The following KCNQ3 variants were observed in gnomAD, a reference collection of about 807,000 sequenced individuals.
KCNQ3 encodes potassium voltage-gated channel subfamily Q member 3, also known as potassium voltage-gated channel subfamily KQT member 3.
A neutral mutation model predicts 92.5 loss-of-function variants in KCNQ3; 30 were observed. That is an observed-to-expected ratio of 0.32 (90% CI 0.24 to 0.44). The LOEUF (loss-of-function observed/expected upper bound fraction) is 0.44. KCNQ3 is among the 20% of genes least tolerant of loss of function. The pLI is 1.00. For synonymous variants in KCNQ3, 450 were observed against 468.8 expected, an observed-to-expected ratio of 0.96 and a Z score of 0.52; for missense variants, 913 against 1,140.3, an observed-to-expected ratio of 0.80 and a Z score of 2.87.
At chr8:132,303,677 T>TATACACACACACATATATACACACAC (rs376933089) in intron 1 of KCNQ3, among the ~76,000 whole-genome samples, 1 of 85,990 alleles carries the variant, frequency 1.2e-5, no homozygotes, top group East Asian at 4.6e-4. Flanking sequence ...TATATATATA[T>TATACACACACACATATATACACACAC]ACACACACAC....
intron 1 of KCNQ3, among the ~76,000 whole-genome samples, chr8:132,194,246 G>C (rs1434172423): frequency 6.6e-6 from 1 of 152,206 alleles, no homozygotes; most frequent in African/African-American, 2.4e-5. Context: ...AGCTGCACTT[G>C]TCCTAACCCT....
intron 1 of KCNQ3, among the ~76,000 whole-genome samples, chr8:132,438,828 T>C (rs935511720): frequency 2.0e-5 from 3 of 151,698 alleles, no homozygotes; most frequent in Non-Finnish European, 4.4e-5. Context: ...AGGCTACAAC[T>C]CTCAGGGCTC....
intron 5 of KCNQ3, among the ~76,000 whole-genome samples, chr8:132,174,702 A>G (rs1826488991): frequency 6.6e-6 from 1 of 152,170 alleles, no homozygotes; most frequent in Non-Finnish European, 1.5e-5. Context: ...TATTGTGTAT[A>G]TATGTGTGTA....
In KCNQ3 at chr8:132,344,565, T is replaced by C. The variant is rs114486758; in HGVS notation, c.386+135582A>G. ...ATCTCCACTGTGCAGATGAGGAAAC[T>C]GAGGCCTGGAGGAGTAAAGAAACAT... On this transcript the variant is annotated intron_variant, in intron 1 of 14. Coordinates refer to ENST00000388996, the MANE Select transcript of KCNQ3 (RefSeq NM_004519.4). 5.2e-3 allele frequency among the ~76,000 whole-genome samples: 799 copies of C among 152,332 alleles called. 7 individuals are homozygous for C. Among genetic ancestry groups the C allele is most frequent in the African/African-American group, 0.019 (775 of 41,572 alleles).
chr8:132,395,694 G>T (rs1231892276), intron 1 of KCNQ3, among the ~76,000 whole-genome samples: 1 of 152,198 alleles, frequency 6.6e-6, no homozygotes, highest in Non-Finnish European at 1.5e-5. Context: ...CTTCTACAAT[G>T]ATATGCCTGG....
intron 1 of KCNQ3, among the ~76,000 whole-genome samples, chr8:132,358,657 A>C (rs1356502607): frequency 7.2e-6 from 1 of 139,418 alleles, no homozygotes; most frequent in African/African-American, 2.9e-5. Flanking sequence ...GCTGTTCAAA[A>C]AGAATGGATG....
At chr8:132,425,313 ACT>A (rs1821080038) in intron 1 of KCNQ3, among the ~76,000 whole-genome samples, 1 of 152,154 alleles carries the variant, frequency 6.6e-6, no homozygotes, top group African/African-American at 2.4e-5. Context: ...CCTTACAGAC[ACT>A]CTGTAATGTA....
intron 4 of KCNQ3, among the ~76,000 whole-genome samples, chr8:132,176,509 G>A (rs1236038890): frequency 1.3e-5 from 2 of 152,188 alleles, no homozygotes; most frequent in Non-Finnish European, 2.9e-5. Context: ...TGTCATTCTT[G>A]CTGAGTCATC....
intron 3 of KCNQ3, among the ~76,000 whole-genome samples, chr8:132,181,360 TA>T (rs1408478084): frequency 2.6e-5 from 4 of 152,204 alleles, no homozygotes; most frequent in Admixed American, 2.6e-4. Flanking sequence ...AAATGGGTTT[TA>T]CAAAATTATT....
intron 1 of KCNQ3, among the ~76,000 whole-genome samples, chr8:132,322,873 G>A (rs1817931739): frequency 1.3e-5 from 2 of 152,152 alleles, no homozygotes; most frequent in African/African-American, 4.8e-5. Flanking sequence ...TCTGAGAATA[G>A]AGAGCTCCAA....
At chr8:132,336,190 C>A (rs746094761) in intron 1 of KCNQ3, among the ~76,000 whole-genome samples, 8 of 152,174 alleles carry the variant, frequency 5.3e-5, no homozygotes, top group Admixed American at 1.3e-4. Flanking sequence ...GGGACCTACC[C>A]CAACCAATGC....
intron 1 of KCNQ3, among the ~76,000 whole-genome samples, chr8:132,308,491 T>C (rs1817498368): frequency 6.6e-6 from 1 of 152,138 alleles, no homozygotes; most frequent in South Asian, 2.1e-4. Context: ...CAAGAAGCCA[T>C]ATCAGTGGGA....
At chr8:132,142,197 G>T (rs1825318678) in intron 9 of KCNQ3, among the ~76,000 whole-genome samples, 1 of 151,980 alleles carries the variant, frequency 6.6e-6, no homozygotes, top group Non-Finnish European at 1.5e-5. Flanking sequence ...TCTGAGAAGG[G>T]GTCCATGGGC....
At chr8:132,362,473 A>T (rs544365420) in intron 1 of KCNQ3, among the ~76,000 whole-genome samples, 2 of 152,314 alleles carry the variant, frequency 1.3e-5, no homozygotes, top group Middle Eastern at 3.4e-3. Context: ...AGAGGAACAA[A>T]CAAAAACCAT....
intron 1 of KCNQ3, among the ~76,000 whole-genome samples, chr8:132,325,943 G>T (rs1818034648): frequency 6.6e-6 from 1 of 152,218 alleles, no homozygotes; most frequent in Non-Finnish European, 1.5e-5. Flanking sequence ...AGAAAACTCT[G>T]AAAGAACAAA....
chr8:132,417,834 A>C (rs1345322697), intron 1 of KCNQ3, among the ~76,000 whole-genome samples: 1 of 152,208 alleles, frequency 6.6e-6, no homozygotes, highest in East Asian at 1.9e-4. Flanking sequence ...TAGTTCTGGA[A>C]CCTCTGTGGA....
intron 1 of KCNQ3, among the ~76,000 whole-genome samples, chr8:132,335,815 C>T (rs1432923871): frequency 2.0e-5 from 3 of 152,066 alleles, no homozygotes; most frequent in East Asian, 3.9e-4. Context: ...CTACTTCCTC[C>T]TTGTTCTGTG....
At position 132,419,769 on chromosome 8, in the gene KCNQ3, G is replaced by A. The variant is rs143117007; in HGVS notation, c.386+60378C>T. Among the ~76,000 whole-genome samples, 13 of 152,252 alleles carry A rather than the reference G, an allele frequency of 8.5e-5. No homozygotes were observed. The East Asian group carries it at 1.9e-3, about 23-fold the overall frequency. The stretch of plus-strand genomic sequence containing the variant: ...GAGAAAACTGAGGCTCAAAAATCCC[G>A]AAGTGACTTTCCAAGGCAACACAGA... On this transcript the variant is annotated intron_variant, in intron 1 of 14. Transcript: ENST00000388996.
intron 1 of KCNQ3, among the ~76,000 whole-genome samples, chr8:132,292,079 T>A (rs371895693): frequency 1.2e-3 from 177 of 152,278 alleles, no homozygotes; most frequent in African/African-American, 4.1e-3. Context: ...ACATATTGAG[T>A]TATAATTCCC....
Sources: gnomAD v4.1 joint callset for allele counts (sites outside exome capture counted in the v4.1 genomes callset) on GRCh38, gnomAD v4.1.1 for gene constraint, MANE v1.5 for transcripts, NCBI Gene and HGNC (gene_info 2026-07-23, HGNC 2026-07-21) for gene names.